HEMK2: variants seen among roughly 807,000 people sequenced by gnomAD.
HEMK2 encodes HemK methyltransferase 2, ETF1 glutamine and histone H4 lysine.
At chr21:28,586,081 T>C in the HEMK2 span, among the ~76,000 whole-genome samples, 217 of 152,302 alleles carry the variant, frequency 1.4e-3, 4 homozygotes, top group African/African-American at 4.8e-3. Context: ...CTGGGAAAGA[T>C]CTGGGAGCAA....
chr21:28,827,685 T>C, the HEMK2 span, among the ~76,000 whole-genome samples: 1 of 152,252 alleles, frequency 6.6e-6, no homozygotes, highest in Non-Finnish European at 1.5e-5. Context: ...TTAACCACTA[T>C]GTTGAAATCA....
chr21:28,647,940 G>T, the HEMK2 span, among the ~76,000 whole-genome samples: 1 of 152,204 alleles, frequency 6.6e-6, no homozygotes, highest in Non-Finnish European at 1.5e-5. Flanking sequence ...CTGAGCTGAA[G>T]ACCATTATGG....
chr21:28,696,613 G>T, the HEMK2 span, among the ~76,000 whole-genome samples: 2 of 152,084 alleles, frequency 1.3e-5, no homozygotes, highest in Admixed American at 1.3e-4. Context: ...TCTAGCGGAT[G>T]GTGGCCTTCT....
the HEMK2 span, among the ~76,000 whole-genome samples, chr21:28,638,364 C>T: frequency 4.0e-4 from 61 of 152,142 alleles, no homozygotes; most frequent in East Asian, 0.011. Flanking sequence ...AGGAGGAGCA[C>T]GGTGCACAGG....
At chr21:28,639,363 G>A in the HEMK2 span, among the ~76,000 whole-genome samples, 28 of 152,156 alleles carry the variant, frequency 1.8e-4, no homozygotes, top group Non-Finnish European at 1.5e-5. Context: ...GAAGAATGTG[G>A]ATCAATTTTA....
chr21:28,819,866 G>A, the HEMK2 span, among the ~76,000 whole-genome samples: 2 of 151,844 alleles, frequency 1.3e-5, no homozygotes, highest in Non-Finnish European at 2.9e-5. Flanking sequence ...ATTTTCTAAC[G>A]ATTTCTTTAC....
At chr21:28,735,957 C>T in the HEMK2 span, among the ~76,000 whole-genome samples, 1,660 of 152,256 alleles carry the variant, frequency 0.011, 24 homozygotes, top group African/African-American at 0.038. Flanking sequence ...TGGGCTTGAC[C>T]GGCTCATTGG....
chr21:28,730,854 A>G, the HEMK2 span, among the ~76,000 whole-genome samples: 1 of 152,114 alleles, frequency 6.6e-6, no homozygotes, highest in African/African-American at 2.4e-5. Flanking sequence ...GCCACATTCA[A>G]GAGGAAGAGA....
At chr21:28,850,217 C>CTTTTTTTTT in the HEMK2 span, among the ~76,000 whole-genome samples, 4 of 94,430 alleles carry the variant, frequency 4.2e-5, no homozygotes, top group East Asian at 3.8e-4. Context: ...ATTCAGCATT[C>CTTTTTTTTT]TTTTTTTTTT....
the HEMK2 span, among the ~76,000 whole-genome samples, chr21:28,760,999 C>T: frequency 6.6e-6 from 1 of 151,960 alleles, no homozygotes; most frequent in Non-Finnish European, 1.5e-5. Flanking sequence ...TTTATTTTCA[C>T]CTTAAATTAT....
chr21:28,689,896 G>A, the HEMK2 span, among the ~76,000 whole-genome samples: 1 of 152,070 alleles, frequency 6.6e-6, no homozygotes, highest in African/African-American at 2.4e-5. Context: ...ATGTAGGGGT[G>A]GCCTTAAGAA....
At chr21:28,881,052 A>AT in the HEMK2 span, among the ~76,000 whole-genome samples, 1 of 151,674 alleles carries the variant, frequency 6.6e-6, no homozygotes, top group East Asian at 1.9e-4. Flanking sequence ...TGCTATTATT[A>AT]TTTTTGCCTA....
the HEMK2 span, among the ~76,000 whole-genome samples, chr21:28,724,973 G>A: frequency 1.2e-3 from 178 of 152,148 alleles, no homozygotes; most frequent in African/African-American, 3.5e-3. Context: ...TGGTAGAGGC[G>A]GAGTTTTGTC....
chr21:28,643,490 C>A, the HEMK2 span, among the ~76,000 whole-genome samples: 10,066 of 152,016 alleles, frequency 0.066, 521 homozygotes, highest in East Asian at 0.14. Flanking sequence ...CCAGCCTGGG[C>A]AACATAGAAA....
At chr21:28,800,479 TAA>T in the HEMK2 span, among the ~76,000 whole-genome samples, 1 of 152,188 alleles carries the variant, frequency 6.6e-6, no homozygotes. Flanking sequence ...CCCATTATAT[TAA>T]AAGTGTAACT....
chr21:28,750,254 G>T, the HEMK2 span, among the ~76,000 whole-genome samples: 3 of 152,266 alleles, frequency 2.0e-5, no homozygotes, highest in South Asian at 6.2e-4. Flanking sequence ...ATGAAATTAG[G>T]TTCCCTCATC....
chr21:28,841,194 T>TATAG, the HEMK2 span, among the ~76,000 whole-genome samples: 1 of 21,468 alleles, frequency 4.7e-5, no homozygotes, highest in African/African-American at 3.0e-4. Flanking sequence ...TATTATAATA[T>TATAG]ATATATTATA....
the HEMK2 span, among the ~76,000 whole-genome samples, chr21:28,762,525 T>C: frequency 1.3e-5 from 2 of 152,226 alleles, no homozygotes; most frequent in South Asian, 2.1e-4. Context: ...AGAGAGTATG[T>C]ACTTTGACTA....
At chr21:28,771,440 A>C in the HEMK2 span, among the ~76,000 whole-genome samples, 7 of 151,490 alleles carry the variant, frequency 4.6e-5, no homozygotes, top group Non-Finnish European at 8.8e-5. Context: ...TGGTTGTCAC[A>C]ACTGGGGACT....
Sources: allele counts gnomAD v4.1 joint callset (sites outside exome capture counted in the v4.1 genomes callset), GRCh38; gene constraint gnomAD v4.1.1; transcripts MANE v1.5; gene names NCBI Gene and HGNC (gene_info 2026-07-23, HGNC 2026-07-21).